Variants in ZNF638 observed in about 807,000 individuals in gnomAD.
ZNF638 encodes the protein CTCL tumor antigen se33-1.
In ZNF638, 46 loss-of-function variants were observed where a neutral mutation model predicts 195.6. The ratio of observed to expected loss-of-function variants is 0.24; its 90% CI spans 0.19 to 0.30. The LOEUF is 0.30. ZNF638 is among the 10% of genes least tolerant of loss of function. The probability of loss-of-function intolerance (pLI) is 1.00; values close to 1 mark genes in which losing one functional copy is unlikely to be tolerated. For synonymous variants in ZNF638, 845 were observed against 772.0 expected (o/e 1.09, Z -1.57); for missense variants, 2,440 against 2,325.3 (o/e 1.05, Z -1.01).
Position 71,406,128 on chromosome 2 carries a change from G to A in ZNF638, c.3001G>A (p.Ala1001Thr). The change falls in exon 19 of 28, where the codon GCA (alanine) becomes ACA (threonine). Residue 1001 changes from alanine (A) to threonine (T), a missense_variant and splice_region_variant. Coordinates refer to ENST00000264447, the MANE Select transcript of ZNF638 (RefSeq NM_014497.5). ...TGTGCTGTCTCTTAAAAAACTACAG[G>A]CAAACATAGATACAATTTATGATCG... ...ITLVKENDPEANIDTIYDRFV... is the reference protein window; with the variant it reads ...ITLVKENDPETNIDTIYDRFV... 1 of 1,613,108 alleles carries A rather than the reference G, an allele frequency of 6.2e-7. No individual in the cohort carries two copies. The highest frequency in any genetic ancestry group is 8.5e-7 in the Non-Finnish European group (1 of 1,179,460).
At chr2:71,402,871 GAT>G (rs1372583780) in intron 16 of ZNF638, among the ~76,000 whole-genome samples, 1 of 152,076 alleles carries the variant, frequency 6.6e-6, no homozygotes, top group Non-Finnish European at 1.5e-5. Context: ...AGTAGAATAG[GAT>G]ATATGTTTTG....
chr2:71,344,344 T>C (rs2104137721), intron 1 of ZNF638, among the ~76,000 whole-genome samples: 1 of 152,364 alleles, frequency 6.6e-6, no homozygotes, highest in South Asian at 2.1e-4. Context: ...TATAGTTTAT[T>C]TGACCAGTTT....
At chr2:71,391,649 C>T (rs573072137) in intron 10 of ZNF638, among the ~76,000 whole-genome samples, 3 of 152,232 alleles carry the variant, frequency 2.0e-5, no homozygotes, top group South Asian at 2.1e-4. Flanking sequence ...TCAGTAAGAC[C>T]TCAAAAGGTT....
At chr2:71,335,324 G>A (rs1326684754) in intron 1 of ZNF638, among the ~76,000 whole-genome samples, 2 of 152,170 alleles carry the variant, frequency 1.3e-5, no homozygotes, top group Admixed American at 6.5e-5. Context: ...TTACAGGTGT[G>A]AGCTATTGCG....
chr2:71,339,300 C>A (rs1036484677), intron 1 of ZNF638, among the ~76,000 whole-genome samples: 3 of 151,934 alleles, frequency 2.0e-5, no homozygotes, highest in Non-Finnish European at 4.4e-5. Context: ...TTACAGGCGC[C>A]TGCCAGCACA....
intron 10 of ZNF638, chr2:71,388,486 T>C (rs2079694984): frequency 2.9e-6 from 2 of 696,914 alleles, no homozygotes; most frequent in Admixed American, 2.0e-5. Flanking sequence ...ATTAAATCTG[T>C]ACTAAATAAA....
Position 71,350,060 on chromosome 2 carries a change from G to A in ZNF638, c.1106G>A (p.Ser369Asn), listed in dbSNP as rs554390155. 6 of 1,614,216 alleles carry A rather than the reference G, an allele frequency of 3.7e-6. No homozygotes were observed. The Admixed American group carries it at 1.0e-4, about 27-fold the overall frequency. The change falls in exon 2 of 28, where the codon AGT becomes AAT. Residue 369 changes from serine (S) to asparagine (N), a missense_variant. Physicochemically the swap from Ser to Asn is conservative, Grantham distance 46. Coordinates refer to ENST00000264447, the MANE Select transcript of ZNF638 (RefSeq NM_014497.5). ...AACGTACATGTTGGATCAAGAGGAA[G>A]TAAAAAGAATTACCAGTCACAGGCT... is the stretch of plus-strand genomic sequence containing the variant. ...SSNVHVGSRG[S>N]KKNYQSQADI... is the part of the protein sequence containing the mutation.
rs762190588 is a variant in ZNF638 at position 71,424,677 on chromosome 2, C to A, written c.4552C>A (p.Pro1518Thr). ...TTTGGCTGAGCAAAACACTAAGAAT[C>A]CTAAAAGCACTACTGGTAGAAGTTC... ...KTLAEQNTKN[P>T]KSTTGRSSKS... is the part of the protein sequence containing the mutation. Residue 1518 changes from proline to threonine, a missense_variant, in exon 23 of 28, where the codon CCT (proline) becomes ACT (threonine). By Grantham distance (38) the Pro-to-Thr change is conservative. Around this residue, in one of 5 missense-constraint regions of ZNF638, gnomAD observed 1,883 missense variants for 1,739.1 expected, o/e 1.08. Transcript: ENST00000264447. 9 of 1,612,570 alleles carry A rather than the reference C, an allele frequency of 5.6e-6. No homozygotes were observed. Among genetic ancestry groups the A allele is most frequent in the Non-Finnish European group, 6.8e-6 (8 of 1,179,532 alleles).
At chr2:71,389,335 C>A (rs1180179455) in intron 10 of ZNF638, among the ~76,000 whole-genome samples, 1 of 152,196 alleles carries the variant, frequency 6.6e-6, no homozygotes, top group Non-Finnish European at 1.5e-5. Flanking sequence ...GAACCCATTT[C>A]TTTTGACGCT....
Position 71,349,231 on chromosome 2 carries a change from C to G in ZNF638, c.277C>G (p.Gln93Glu), listed in dbSNP as rs749286173. The change falls in exon 2 of 28, where the codon CAA becomes GAA. Residue 93 changes from glutamine (Q) to glutamate (E), a missense_variant. Transcript: ENST00000264447. The stretch of plus-strand genomic sequence containing the variant: ...AGAAAAACTGGATTTTCATGAAGCA[C>G]AACAGAAGAAGGGGAAGCCTCATGG... The part of the protein sequence containing the change: ...TKEKLDFHEA[Q>E]QKKGKPHGSR... 1.9e-6 allele frequency: 3 copies of G among 1,614,122 alleles called. No homozygotes were observed. Among genetic ancestry groups the G allele is most frequent in the Non-Finnish European group, 2.5e-6 (3 of 1,180,028 alleles).
chr2:71,347,174 A>T (rs2078864849), intron 1 of ZNF638, among the ~76,000 whole-genome samples: 1 of 152,122 alleles, frequency 6.6e-6, no homozygotes, highest in Admixed American at 6.5e-5. Flanking sequence ...AGATGAAGAG[A>T]TTTGGGAAGA....
intron 20 of ZNF638, among the ~76,000 whole-genome samples, chr2:71,410,992 C>CCCCTTT (rs1553484599): frequency 1.6e-4 from 4 of 24,508 alleles, no homozygotes; most frequent in Non-Finnish European, 2.3e-4. Flanking sequence ...CTCCCCCCCC[C>CCCCTTT]TTTTTTTTTT....
chr2:71,397,038 C>A (rs1573115982), intron 11 of ZNF638, among the ~76,000 whole-genome samples: 1 of 152,062 alleles, frequency 6.6e-6, no homozygotes, highest in Admixed American at 6.6e-5. Flanking sequence ...AGTGGCAGAT[C>A]CAGAATTTTC....
chr2:71,332,002 T>TG, intron 1 of ZNF638, 127 bp downstream of exon 1: 3 of 744,876 alleles, frequency 4.0e-6, no homozygotes, highest in Non-Finnish European at 3.3e-6. Flanking sequence ...CCGCACAAAA[T>TG]GGCGGCGGGC....
At chr2:71,431,220 A>C (rs899457247) in intron 25 of ZNF638, 107 bp from the exon 26 acceptor site, 2 of 900,450 alleles carry the variant, frequency 2.2e-6, no homozygotes, top group African/African-American at 3.4e-5. Flanking sequence ...TGGGATTAAC[A>C]AAGGGAGGTT....
intron 2 of ZNF638, among the ~76,000 whole-genome samples, chr2:71,353,955 C>G (rs2078983057): frequency 6.6e-6 from 1 of 152,174 alleles, no homozygotes; most frequent in African/African-American, 2.4e-5. Flanking sequence ...ACAGGATGTA[C>G]AAACATTTCT....
intron 21 of ZNF638, among the ~76,000 whole-genome samples, chr2:71,421,923 AAG>A (rs1392534721): frequency 6.6e-6 from 1 of 152,144 alleles, no homozygotes; most frequent in Non-Finnish European, 1.5e-5. Flanking sequence ...ACCTCGGTGA[AAG>A]TACTGGAATT....
At chr2:71,379,957 G>T (rs2542520) in intron 8 of ZNF638, 1 of 252,472 alleles carries the variant, frequency 4.0e-6, no homozygotes, top group South Asian at 1.0e-4. Context: ...ATAGGGTTCA[G>T]CACGAGCACG....
At chr2:71,428,820 A>G in intron 25 of ZNF638, 169 bp downstream of exon 25, 1 of 515,754 alleles carries the variant, frequency 1.9e-6, no homozygotes, top group South Asian at 3.2e-5. Context: ...TTTGTAATGT[A>G]GAGAGAATGG....
Sources: gnomAD v4.1 joint callset for allele counts (sites outside exome capture counted in the v4.1 genomes callset) on GRCh38, gnomAD v4.1.1 for gene constraint, gnomAD v4.1.1 regional missense constraint, MANE v1.5 for transcripts, NCBI Gene and HGNC (gene_info 2026-07-23, HGNC 2026-07-21) for gene names.